WDPCP: variants seen among roughly 807,000 people sequenced by gnomAD.
WDPCP encodes WD repeat containing planar cell polarity effector.
Under a neutral mutation model 93.1 loss-of-function variants are expected in WDPCP, and 71 were observed. The observed-to-expected ratio is 0.76, with a 90% CI of 0.63 to 0.93. The LOEUF is 0.93. Among genes scored for constraint, WDPCP ranks in the 40% least tolerant of loss-of-function variants. WDPCP has a pLI of 0.00. For synonymous variants in WDPCP, 315 were observed against 315.0 expected (o/e 1.00, Z 0.00); for missense variants, 844 against 887.4 (o/e 0.95, Z 0.62).
intron 2 of WDPCP, among the ~76,000 whole-genome samples, chr2:63,762,640 G>A (rs560478670): frequency 3.3e-5 from 5 of 152,280 alleles, no homozygotes; most frequent in South Asian, 2.1e-4. Flanking sequence ...GGGTCCCGAA[G>A]GAGGTTATCA....
At chr2:63,706,895 C>T (rs1490655982) in intron 2 of WDPCP, among the ~76,000 whole-genome samples, 2 of 152,192 alleles carry the variant, frequency 1.3e-5, no homozygotes, top group Non-Finnish European at 2.9e-5. Context: ...GGATTACAGG[C>T]ATGAGCCACC....
At chr2:63,774,462 A>G (rs1670273060) in intron 2 of WDPCP, among the ~76,000 whole-genome samples, 1 of 152,088 alleles carries the variant, frequency 6.6e-6, no homozygotes, top group Non-Finnish European at 1.5e-5. Context: ...ACTCTTCCCA[A>G]GATTTTGACC....
upstream of WDPCP, chr2:63,590,765 A>G (rs1355903633): frequency 2.0e-5 from 3 of 152,198 alleles, no homozygotes; most frequent in Non-Finnish European, 4.4e-5. Flanking sequence ...GAGACAGAAC[A>G]TGAGGAAGAA....
chr2:63,168,250 T>C (rs903497238), intron 15 of WDPCP, among the ~76,000 whole-genome samples: 1 of 152,156 alleles, frequency 6.6e-6, no homozygotes, highest in Non-Finnish European at 1.5e-5. Context: ...CTTAAGTGTT[T>C]TATCTATGTG....
In WDPCP at chr2:63,437,413, A is replaced by G; in HGVS notation, c.633+8T>C. ...TAATAATATGACTATATAAATCAAA[A>G]TCTCTACCTTATAATCCAAGGCTGA... On this transcript the variant is annotated splice_region_variant and intron_variant, in intron 8 of 17. Coordinates refer to ENST00000272321, the MANE Select transcript of WDPCP (RefSeq NM_015910.7). 1 of 1,590,994 alleles carries G rather than the reference A, an allele frequency of 6.3e-7. No homozygotes were observed. The highest frequency in any genetic ancestry group is 8.6e-7 in the Non-Finnish European group (1 of 1,166,266).
the WDPCP span, among the ~76,000 whole-genome samples, chr2:63,834,789 A>G: frequency 6.6e-6 from 1 of 152,224 alleles, no homozygotes; most frequent in South Asian, 2.1e-4. Context: ...TGCTCAGCAC[A>G]TTGCAGCCAA....
chr2:63,329,539 G>T (rs1687827304), intron 12 of WDPCP, among the ~76,000 whole-genome samples: 1 of 152,074 alleles, frequency 6.6e-6, no homozygotes, highest in Non-Finnish European at 1.5e-5. Context: ...AATCCTCACA[G>T]AACTTCCTAA....
intron 2 of WDPCP, among the ~76,000 whole-genome samples, chr2:63,674,728 A>G (rs1178315644): frequency 2.0e-5 from 3 of 152,164 alleles, no homozygotes; most frequent in Admixed American, 6.5e-5. Flanking sequence ...AAAAAAAAAA[A>G]AGCATTCAAT....
chr2:63,215,311 C>T (rs1677222237), intron 14 of WDPCP, among the ~76,000 whole-genome samples: 1 of 152,074 alleles, frequency 6.6e-6, no homozygotes, highest in South Asian at 2.1e-4. Context: ...TCAAACTATA[C>T]TACAAGGCTA....
At position 63,404,030 on chromosome 2, in the gene WDPCP, T is replaced by A. The variant is rs777055382; in HGVS notation, c.1435+18A>T. The stretch of plus-strand genomic sequence containing the variant: ...CTAAACATTTTAATTTACTTACTCA[T>A]CACTTTCCTTGACTTACCTAGTTTA... On this transcript the variant is annotated intron_variant, in intron 10 of 17. Transcript: ENST00000272321. The A allele has an allele frequency of 5.0e-6, 8 of 1,613,900 alleles. No individual in the cohort carries two copies. In the East Asian group the frequency reaches 1.8e-4, roughly 36 times the overall value.
chr2:63,506,012 A>G (rs1701846465), intron 1 of WDPCP, among the ~76,000 whole-genome samples: 1 of 152,156 alleles, frequency 6.6e-6, no homozygotes, highest in African/African-American at 2.4e-5. Context: ...CTAGCATTTA[A>G]CAAAATCTCT....
chr2:63,170,465 GT>G (rs1673306002), intron 15 of WDPCP, among the ~76,000 whole-genome samples: 1 of 151,868 alleles, frequency 6.6e-6, no homozygotes, highest in African/African-American at 2.4e-5. Flanking sequence ...TAGAGATGGG[GT>G]TTCACCATGT....
chr2:63,716,190 G>A (rs112006804), intron 2 of WDPCP, among the ~76,000 whole-genome samples: 2,605 of 152,270 alleles, frequency 0.017, 26 homozygotes, highest in African/African-American at 0.019. Flanking sequence ...ACTCTGGGAA[G>A]GCTGTAACAG....
intron 6 of WDPCP, chr2:63,441,493 A>G (rs1697500432): frequency 6.6e-6 from 1 of 151,960 alleles, no homozygotes; most frequent in South Asian, 2.1e-4. Context: ...TTCTTTTCCT[A>G]ATTACTCACT....
intron 3 of WDPCP, chr2:63,597,532 C>G: frequency 6.7e-7 from 1 of 1,503,526 alleles, no homozygotes; most frequent in Non-Finnish European, 8.9e-7. Context: ...TCTTCAAATC[C>G]CAGGGTGCAG....
chr2:63,165,565 C>T (rs1460712336), intron 15 of WDPCP, among the ~76,000 whole-genome samples: 1 of 151,840 alleles, frequency 6.6e-6, no homozygotes, highest in African/African-American at 2.4e-5. Flanking sequence ...TCTACCTGGT[C>T]ATCTGGGCCT....
At chr2:63,807,576 T>C (rs1419197041) in intron 2 of WDPCP, among the ~76,000 whole-genome samples, 2 of 152,228 alleles carry the variant, frequency 1.3e-5, no homozygotes, top group Non-Finnish European at 2.9e-5. Flanking sequence ...TTTATGGCAA[T>C]GCAAGTGGAA....
intron 14 of WDPCP, among the ~76,000 whole-genome samples, chr2:63,213,439 C>A (rs1677016799): frequency 6.6e-6 from 1 of 152,126 alleles, no homozygotes; most frequent in African/African-American, 2.4e-5. Flanking sequence ...AACAAACACA[C>A]AACATACCAG....
At chr2:63,593,636 T>C (rs1186273187), upstream of WDPCP, 1 of 471,670 alleles carries the variant, frequency 2.1e-6, no homozygotes, top group South Asian at 1.5e-5. Context: ...CAGGTAGGGG[T>C]AAAGGTGACA....
Sources: gnomAD v4.1 joint callset for allele counts (sites outside exome capture counted in the v4.1 genomes callset) on GRCh38, gnomAD v4.1.1 for gene constraint, MANE v1.5 for transcripts, NCBI Gene and HGNC (gene_info 2026-07-23, HGNC 2026-07-21) for gene names.